WDR37: variants seen among roughly 807,000 people sequenced by gnomAD.
WDR37 encodes WD repeat-containing protein 37.
WDR37 carries 19 observed loss-of-function variants against 62.9 expected under a neutral mutation model. The ratio of observed to expected loss-of-function variants is 0.30; its 90% confidence interval spans 0.21 to 0.44. WDR37 has a LOEUF of 0.44. Among genes scored for constraint, WDR37 ranks in the 20% least tolerant of loss-of-function variants. The probability of loss-of-function intolerance (pLI) is 1.00; values close to 1 mark genes in which losing one functional copy is unlikely to be tolerated. For missense variants in WDR37, 474 were observed against 657.6 expected, an observed-to-expected ratio of 0.72 and a Z score of 3.05; for synonymous variants, 250 against 260.9, an observed-to-expected ratio of 0.96 and a Z score of 0.40.
intron 11 of WDR37, among the ~76,000 whole-genome samples, chr10:1,118,534 C>T (rs1835475075): frequency 1.3e-5 from 2 of 151,762 alleles, no homozygotes; most frequent in South Asian, 4.2e-4. Flanking sequence ...GAAGTCCCTG[C>T]ACACATCTGA....
chr10:1,124,692 G>A (rs1049758951), intron 12 of WDR37, among the ~76,000 whole-genome samples: 3 of 141,514 alleles, frequency 2.1e-5, no homozygotes, highest in African/African-American at 8.0e-5. Context: ...GTGTGTGTGT[G>A]TATTGTGTGT....
chr10:1,103,953 T>C lies in WDR37; in HGVS notation c.961+117T>C. On this transcript the variant is annotated intron_variant, in intron 10 of 13. Coordinates refer to ENST00000263150, the MANE Select transcript of WDR37 (RefSeq NM_014023.4). This position sits in a 1 kb window ranked among gnomAD's most constrained non-coding sequence, Gnocchi z 6.3. ...CAGAATGAGTCTCTGTGTTCTTGGC[T>C]CTTCTGTGGTAATTTTTGGAGATTC... 1 of 990,296 alleles carries C rather than the reference T, an allele frequency of 1.0e-6. No homozygotes were observed. Among genetic ancestry groups the C allele is most frequent in the Non-Finnish European group, 1.5e-6 (1 of 680,080 alleles). 61.3% of individuals were successfully genotyped at this position (990,296 alleles called of 1,614,324 possible). A position where few individuals can be genotyped will look rare whatever the true frequency, so the allele number is the denominator to read the frequency against.
At chr10:1,108,739 G>GGGCCCC in intron 11 of WDR37, among the ~76,000 whole-genome samples, 1 of 111,912 alleles carries the variant, frequency 8.9e-6, no homozygotes, top group African/African-American at 4.1e-5. Context: ...CTTCTGTGAT[G>GGGCCCC]CCCCCCCCCC....
chr10:1,085,343 G>A (rs1385600719), intron 6 of WDR37, among the ~76,000 whole-genome samples: 1 of 152,168 alleles, frequency 6.6e-6, no homozygotes, highest in Non-Finnish European at 1.5e-5. Flanking sequence ...CACAAGTGGA[G>A]TGCAGTTGAG....
chr10:1,080,900 C>T (rs1011531734), intron 5 of WDR37, among the ~76,000 whole-genome samples: 6 of 149,086 alleles, frequency 4.0e-5, no homozygotes, highest in African/African-American at 1.5e-4. Flanking sequence ...AGCGAGATTC[C>T]GACTCCAAAA....
intron 12 of WDR37, 76 bp downstream of exon 12, chr10:1,124,428 A>G (rs1247500079): frequency 5.7e-6 from 9 of 1,589,010 alleles, no homozygotes; most frequent in Admixed American, 5.0e-5. Context: ...TGTTTTATTC[A>G]TGGAGGTTTA....
chr10:1,087,249 C>G (rs915640824), intron 7 of WDR37, among the ~76,000 whole-genome samples: 7 of 152,232 alleles, frequency 4.6e-5, no homozygotes, highest in African/African-American at 1.7e-4. Context: ...TCTTACCTGT[C>G]TTCCTCCCCT....
At position 1,129,409 on chromosome 10, in the gene WDR37, T is replaced by G. The variant is rs1368730109; in HGVS notation, c.*65T>G. 1.9e-6 allele frequency: 3 copies of G among 1,596,334 alleles called. No individual in the cohort carries two copies. The African/African-American group carries it at 4.0e-5, about 21-fold the overall frequency. Reference sequence around the variant, plus strand: ...GACCTTTGATGGGTGCAGGCTTTTCTGCGTATTAATCAGCCATTTTTGTGA... The same window carrying G: ...GACCTTTGATGGGTGCAGGCTTTTCGGCGTATTAATCAGCCATTTTTGTGA... On this transcript the variant is annotated 3_prime_UTR_variant, in exon 14 of 14. Transcript: ENST00000263150.
chr10:1,091,097 T>C (rs1834372581), intron 7 of WDR37, among the ~76,000 whole-genome samples: 1 of 152,210 alleles, frequency 6.6e-6, no homozygotes, highest in South Asian at 2.1e-4. Flanking sequence ...CTATTTTGAG[T>C]GGGTGAGCAG....
Position 1,105,604 on chromosome 10 carries a change from G to A in WDR37, c.1103+337G>A, listed in dbSNP as rs769444468. 1.3e-5 allele frequency among the ~76,000 whole-genome samples: 2 copies of A among 152,140 alleles called. No individual in the cohort carries two copies. The highest frequency in any genetic ancestry group is 6.5e-5 in the Admixed American group (1 of 15,268). On this transcript the variant is annotated intron_variant, in intron 11 of 13. Coordinates refer to ENST00000263150, the MANE Select transcript of WDR37 (RefSeq NM_014023.4). This position sits in a 1 kb window ranked among gnomAD's most constrained non-coding sequence, Gnocchi z 5.3. ...GGCCGGCCACGCCACCATAGGAGCC[G>A]CGGGAGCTGTTACTCCTACCCACGG...
At chr10:1,117,393 A>G (rs1357916773) in intron 11 of WDR37, among the ~76,000 whole-genome samples, 1 of 152,088 alleles carries the variant, frequency 6.6e-6, no homozygotes, top group African/African-American at 2.4e-5. Flanking sequence ...AAGTTAGAAT[A>G]TTGTTTTTAA....
intron 11 of WDR37, among the ~76,000 whole-genome samples, chr10:1,115,901 G>T (rs1447776941): frequency 2.0e-5 from 3 of 152,176 alleles, no homozygotes; most frequent in Non-Finnish European, 4.4e-5. Flanking sequence ...AGGCTGTGGG[G>T]CCTTGGAAGC....
At chr10:1,097,657 G>A (rs748263815) in intron 9 of WDR37, among the ~76,000 whole-genome samples, 1 of 152,190 alleles carries the variant, frequency 6.6e-6, no homozygotes, top group Admixed American at 6.5e-5. Context: ...GAGCCAAGGG[G>A]GTGACACCTC....
At chr10:1,075,347 A>G (rs1202101769) in intron 2 of WDR37, among the ~76,000 whole-genome samples, 1 of 149,060 alleles carries the variant, frequency 6.7e-6, no homozygotes, top group South Asian at 2.1e-4. Flanking sequence ...TTTGTTACGT[A>G]GGTATACATG....
intron 11 of WDR37, among the ~76,000 whole-genome samples, chr10:1,123,037 CT>C (rs1270779937): frequency 6.6e-6 from 1 of 152,166 alleles, no homozygotes; most frequent in Non-Finnish European, 1.5e-5. Flanking sequence ...CCCCTCTCTT[CT>C]TGTTTTTATG....
chr10:1,061,948 A>T (rs181489269), intron 1 of WDR37, among the ~76,000 whole-genome samples: 1 of 151,966 alleles, frequency 6.6e-6, no homozygotes, highest in Admixed American at 6.6e-5. Context: ...TACTATGTAT[A>T]TGCGGATATT....
At chr10:1,060,040 T>C (rs1272394858) in intron 1 of WDR37, among the ~76,000 whole-genome samples, 1 of 152,076 alleles carries the variant, frequency 6.6e-6, no homozygotes, top group Non-Finnish European at 1.5e-5. Flanking sequence ...GACTTCACCA[T>C]GTTGGCCAGG....
chr10:1,123,558 A>T (rs975656486), intron 11 of WDR37, among the ~76,000 whole-genome samples: 3 of 152,192 alleles, frequency 2.0e-5, no homozygotes, highest in Middle Eastern at 3.2e-3. Context: ...TTACGACTGA[A>T]TAATATTCCA....
intron 7 of WDR37, among the ~76,000 whole-genome samples, chr10:1,091,562 G>T (rs139466589): frequency 1.3e-5 from 2 of 152,162 alleles, no homozygotes; most frequent in Non-Finnish European, 2.9e-5. Flanking sequence ...TATGTTCTAC[G>T]TTAGGGACAT....
Sources: allele counts gnomAD v4.1 joint callset (sites outside exome capture counted in the v4.1 genomes callset), GRCh38; gene constraint gnomAD v4.1.1; non-coding constraint Gnocchi (gnomAD v3.1); transcripts MANE v1.5; gene names NCBI Gene and HGNC (gene_info 2026-07-23, HGNC 2026-07-21).